The following WDPCP variants were observed in gnomAD, a reference collection of about 807,000 sequenced individuals.
WDPCP encodes the protein WD repeat-containing and planar cell polarity effector protein fritz homolog.
In WDPCP, 71 loss-of-function variants were observed where a neutral mutation model predicts 93.1. That is an observed-to-expected ratio of 0.76 (90% CI 0.63 to 0.93). The LOEUF is 0.93. Ranked by LOEUF, WDPCP falls within the 40% of genes least tolerant of loss-of-function variation. The pLI is 0.00. For synonymous variants in WDPCP, 315 were observed against 315.0 expected, an observed-to-expected ratio of 1.00 and a Z score of 0.00; for missense variants, 844 against 887.4, an observed-to-expected ratio of 0.95 and a Z score of 0.62.
At chr2:63,608,507 T>C (rs1011267608) in intron 3 of WDPCP, among the ~76,000 whole-genome samples, 3 of 152,196 alleles carry the variant, frequency 2.0e-5, no homozygotes, top group Non-Finnish European at 4.4e-5. Context: ...AGGCCTAACA[T>C]AGTACTCTTC....
In WDPCP at chr2:63,678,314, G is replaced by A. The variant is rs182614612; in HGVS notation, n.309-27476C>T. 1.2e-4 allele frequency among the ~76,000 whole-genome samples: 18 copies of A among 152,264 alleles called. No homozygotes were observed. In the South Asian group the frequency reaches 3.5e-3, roughly 30 times the overall value. ...ATCAGCTAATTTGTTCTCCATTTAG[G>A]GGGGAAACAATACTTTCCCAAAACC... On this transcript the variant is annotated intron_variant and non_coding_transcript_variant, in intron 2 of 4. Transcript: ENST00000467687.
intron 2 of WDPCP, among the ~76,000 whole-genome samples, chr2:63,755,267 C>T (rs1298189905): frequency 6.6e-6 from 1 of 152,178 alleles, no homozygotes; most frequent in African/African-American, 2.4e-5. Context: ...GAATCACTGA[C>T]AGCCATCTCA....
intron 3 of WDPCP, among the ~76,000 whole-genome samples, chr2:63,609,066 T>C (rs747340791): frequency 7.9e-5 from 12 of 152,088 alleles, no homozygotes; most frequent in Non-Finnish European, 1.3e-4. Flanking sequence ...AGCTGCTCCT[T>C]GTTAAAAATG....
intron 2 of WDPCP, among the ~76,000 whole-genome samples, chr2:63,775,497 T>A (rs967540965): frequency 6.6e-6 from 1 of 152,210 alleles, no homozygotes; most frequent in South Asian, 2.1e-4. Flanking sequence ...CTTGTTTGTG[T>A]CTTATACACA....
chr2:63,189,149 G>A (rs1042635742), intron 14 of WDPCP, among the ~76,000 whole-genome samples: 1 of 152,066 alleles, frequency 6.6e-6, no homozygotes. Context: ...CTGCAGAACC[G>A]CAGAGTCTCT....
intron 14 of WDPCP, among the ~76,000 whole-genome samples, chr2:63,212,169 A>T (rs1271305286): frequency 6.6e-6 from 1 of 152,186 alleles, no homozygotes; most frequent in Non-Finnish European, 1.5e-5. Flanking sequence ...AAATTGTCAG[A>T]TTCACCGAAG....
chr2:63,536,266 T>C (rs1283554633), intron 1 of WDPCP, among the ~76,000 whole-genome samples: 1 of 152,232 alleles, frequency 6.6e-6, no homozygotes, highest in Non-Finnish European at 1.5e-5. Flanking sequence ...TTGGTGGGAA[T>C]GTAAACTAGT....
chr2:63,240,730 T>A (rs1419750728), intron 14 of WDPCP, among the ~76,000 whole-genome samples: 1 of 152,174 alleles, frequency 6.6e-6, no homozygotes, highest in African/African-American at 2.4e-5. Context: ...CAGATTGGCA[T>A]AATTTGCTAG....
chr2:63,589,883 A>G (rs1709134660), upstream of WDPCP: 1 of 169,932 alleles, frequency 5.9e-6, no homozygotes, highest in Non-Finnish European at 1.3e-5. Flanking sequence ...ATCGCTTCAT[A>G]CTATCAATAC....
chr2:63,581,736 G>A (rs1193469504), intron 1 of WDPCP, among the ~76,000 whole-genome samples: 1 of 152,146 alleles, frequency 6.6e-6, no homozygotes, highest in Non-Finnish European at 1.5e-5. Flanking sequence ...GCTGGGCATG[G>A]TGGCTCAGGC....
chr2:63,769,399 A>G (rs1558906323), intron 2 of WDPCP, among the ~76,000 whole-genome samples: 1 of 151,984 alleles, frequency 6.6e-6, no homozygotes, highest in Non-Finnish European at 1.5e-5. Flanking sequence ...TAAAGTTTAT[A>G]TGGAGTATAG....
chr2:63,461,893 T>G (rs1367823329), intron 6 of WDPCP, among the ~76,000 whole-genome samples: 2 of 152,082 alleles, frequency 1.3e-5, no homozygotes, highest in Non-Finnish European at 2.9e-5. Context: ...AGCAGAGGAG[T>G]AACAAATTTG....
chr2:63,408,196 A>G (rs1367436413), intron 9 of WDPCP, among the ~76,000 whole-genome samples: 1 of 152,184 alleles, frequency 6.6e-6, no homozygotes, highest in African/African-American at 2.4e-5. Context: ...AAGAAGAGCC[A>G]CAGACTCTCT....
intron 10 of WDPCP, among the ~76,000 whole-genome samples, chr2:63,383,283 C>T (rs1692466739): frequency 6.6e-6 from 1 of 152,028 alleles, no homozygotes; most frequent in Non-Finnish European, 1.5e-5. Context: ...AAAAATTAAT[C>T]TAGAATTCTA....
intron 17 of WDPCP, among the ~76,000 whole-genome samples, chr2:63,140,343 G>T (rs779866301): frequency 6.6e-6 from 1 of 152,026 alleles, no homozygotes; most frequent in Non-Finnish European, 1.5e-5. Flanking sequence ...TTCTAATTTT[G>T]TGAAGAATGA....
At chr2:63,473,082 G>T (rs549519697) in intron 6 of WDPCP, among the ~76,000 whole-genome samples, 1 of 152,254 alleles carries the variant, frequency 6.6e-6, no homozygotes, top group East Asian at 1.9e-4. Context: ...ACATTTAAAG[G>T]TGATTAGAAA....
At chr2:63,705,693 T>G (rs1252953046) in intron 2 of WDPCP, among the ~76,000 whole-genome samples, 1 of 151,308 alleles carries the variant, frequency 6.6e-6, no homozygotes, top group Non-Finnish European at 1.5e-5. Flanking sequence ...CTTTTATATT[T>G]GCTGAGGAGT....
intron 12 of WDPCP, among the ~76,000 whole-genome samples, chr2:63,322,752 C>A (rs1172816391): frequency 6.6e-6 from 1 of 152,186 alleles, no homozygotes; most frequent in Non-Finnish European, 1.5e-5. Context: ...CCCACCAATT[C>A]CAGACACATT....
In WDPCP at chr2:63,616,570, C is replaced by G. The variant is rs747664530; in HGVS notation, n.488+34089G>C. 2.6e-5 allele frequency among the ~76,000 whole-genome samples: 4 copies of G among 152,004 alleles called. No individual in the cohort carries two copies. In the South Asian group the frequency reaches 6.2e-4, roughly 24 times the overall value. Reference sequence around the variant, plus strand: ...TAAAATAAGAAATATAAAACAAAAACGAAATAATTTTAAGATTCTAGTGGC... The same window carrying G: ...TAAAATAAGAAATATAAAACAAAAAGGAAATAATTTTAAGATTCTAGTGGC... On this transcript the variant is annotated intron_variant and non_coding_transcript_variant, in intron 3 of 4. Coordinates refer to the WDPCP transcript ENST00000467687.
Sources: allele counts gnomAD v4.1 joint callset (sites outside exome capture counted in the v4.1 genomes callset), GRCh38; gene constraint gnomAD v4.1.1; transcripts MANE v1.5; gene names NCBI Gene and HGNC (gene_info 2026-07-23, HGNC 2026-07-21).